The following ARL13B variants were observed in gnomAD, a reference collection of about 807,000 sequenced individuals.
ARL13B encodes the protein ADP-ribosylation factor-like protein 13B.
In ARL13B, 36 loss-of-function variants were observed where a neutral mutation model predicts 56.1. The observed-to-expected ratio is 0.64, with a 90% CI of 0.49 to 0.85. The LOEUF is 0.85. Among genes scored for constraint, ARL13B ranks in the 40% least tolerant of loss-of-function variants. ARL13B has a pLI of 0.00. For missense variants in ARL13B, 519 were observed against 507.1 expected, an observed-to-expected ratio of 1.02 and a Z score of -0.23; for synonymous variants, 178 against 171.1, an observed-to-expected ratio of 1.04 and a Z score of -0.32.
intron 1 of ARL13B, among the ~76,000 whole-genome samples, chr3:93,985,925 C>G (rs1334980433): frequency 1.3e-5 from 2 of 152,160 alleles, no homozygotes; most frequent in African/African-American, 2.4e-5. Flanking sequence ...GTTTTGTCCT[C>G]TTTGCTATGA....
Position 94,043,107 on chromosome 3 carries a change from A to T in ARL13B, c.891A>T (p.Gln297His), listed in dbSNP as rs140215698. 82 of 1,613,708 alleles carry T rather than the reference A, an allele frequency of 5.1e-5. No individual in the cohort carries two copies. In the African/African-American group the frequency reaches 9.5e-4, roughly 19 times the overall value. ...CHLKHKMEHE[Q>H]IETQGQVNHN... The stretch of plus-strand genomic sequence containing the variant: ...TGAAACATAAAATGGAGCATGAGCA[A>T]ATAGAGACACAAGGCCAGGTTAATC... The change falls in exon 7 of 10, where the codon CAA (glutamine) becomes CAT (histidine). Residue 297 changes from glutamine (Q) to histidine (H), a missense_variant. By Grantham distance (24) the Gln-to-His change is conservative. Coordinates refer to ENST00000394222, the MANE Select transcript of ARL13B (RefSeq NM_001174150.2).
At chr3:93,982,797 T>A (rs1710282480) in intron 1 of ARL13B, among the ~76,000 whole-genome samples, 1 of 152,210 alleles carries the variant, frequency 6.6e-6, no homozygotes, top group South Asian at 2.1e-4. Flanking sequence ...AATAAATATT[T>A]GCCAAATATT....
chr3:94,029,679 C>T (rs2076640408), intron 3 of ARL13B, among the ~76,000 whole-genome samples: 2 of 152,038 alleles, frequency 1.3e-5, no homozygotes, highest in Admixed American at 1.3e-4. Flanking sequence ...AACAGTTCTA[C>T]TTCCTGGAAT....
Position 93,980,378 on chromosome 3 carries a change from G to A in ARL13B, c.-46G>A, listed in dbSNP as rs1238125368. 1 of 1,607,170 alleles carries A rather than the reference G, an allele frequency of 6.2e-7. No homozygotes were observed. The highest frequency in any genetic ancestry group is 1.3e-5 in the African/African-American group (1 of 74,908). On this transcript the variant is annotated 5_prime_UTR_variant, in exon 1 of 10. Transcript: ENST00000394222. ...CCCCGGGGAAGAGCGGGGTGCCGGT[G>A]TCCGCTCCGGGCTCGGATGGGAAGT...
chr3:94,026,783 A>G (rs1452918230), intron 3 of ARL13B, among the ~76,000 whole-genome samples: 3 of 152,148 alleles, frequency 2.0e-5, no homozygotes, highest in Non-Finnish European at 4.4e-5. Flanking sequence ...ATCTTTTATT[A>G]TGTTTAACTT....
intron 9 of ARL13B, among the ~76,000 whole-genome samples, chr3:94,051,715 C>T (rs1411706536): frequency 6.6e-6 from 1 of 152,074 alleles, no homozygotes; most frequent in Non-Finnish European, 1.5e-5. Context: ...TAGTCTAGAA[C>T]TTGGTTTCAC....
intron 3 of ARL13B, among the ~76,000 whole-genome samples, chr3:94,032,775 C>T (rs941079610): frequency 2.0e-5 from 3 of 152,074 alleles, no homozygotes; most frequent in Admixed American, 1.3e-4. Context: ...GGATTACAGG[C>T]GTAAGCCACC....
intron 7 of ARL13B, among the ~76,000 whole-genome samples, chr3:94,044,533 G>C (rs918688242): frequency 7.1e-6 from 1 of 140,816 alleles, no homozygotes; most frequent in African/African-American, 2.7e-5. Flanking sequence ...CTGCCTGGCC[G>C]CTCCATCTGG....
chr3:93,990,146 A>G (rs1377112584), intron 1 of ARL13B, among the ~76,000 whole-genome samples: 3 of 152,028 alleles, frequency 2.0e-5, no homozygotes, highest in Non-Finnish European at 2.9e-5. Flanking sequence ...CTGGGATTGC[A>G]GGTGGGCGCC....
chr3:93,987,887 T>C (rs1710546698), intron 1 of ARL13B, among the ~76,000 whole-genome samples: 1 of 151,918 alleles, frequency 6.6e-6, no homozygotes, highest in Non-Finnish European at 1.5e-5. Flanking sequence ...CTCAAGTAAT[T>C]CTCCCACCTT....
chr3:94,050,698 G>C (rs1037280125), intron 8 of ARL13B, 126 bp from the exon 9 acceptor site: 16 of 773,558 alleles, frequency 2.1e-5, no homozygotes, highest in Non-Finnish European at 3.4e-5. Context: ...TTTCCATACT[G>C]TCATTCAATA....
intron 2 of ARL13B, among the ~76,000 whole-genome samples, chr3:93,999,908 A>G (rs1403463209): frequency 6.6e-6 from 1 of 152,222 alleles, no homozygotes. Flanking sequence ...CCATCGTGTT[A>G]GTCCTCAATT....
chr3:94,019,028 A>T (rs187508306), intron 3 of ARL13B, among the ~76,000 whole-genome samples: 77 of 152,232 alleles, frequency 5.1e-4, no homozygotes, highest in African/African-American at 1.8e-3. Flanking sequence ...GGCCTCCCAA[A>T]GTGCTGGGAT....
chr3:94,047,182 T>G (rs2076997127), intron 7 of ARL13B, among the ~76,000 whole-genome samples: 1 of 152,220 alleles, frequency 6.6e-6, no homozygotes, highest in Admixed American at 6.5e-5. Context: ...CTTTGTTATT[T>G]ATAAGAAATT....
rs539587915 is a variant in ARL13B, at chr3:93,981,145, A to C, written c.59+663A>C. On this transcript the variant is annotated intron_variant, in intron 1 of 9. Transcript: ENST00000394222. Reference sequence around the variant, plus strand: ...TAACATTTCATTTTGAAATGCTGGAAGTATTAATAATTAGTACCTGTTACT... The same window carrying C: ...TAACATTTCATTTTGAAATGCTGGACGTATTAATAATTAGTACCTGTTACT... 1.1e-3 allele frequency among the ~76,000 whole-genome samples: 170 copies of C among 152,382 alleles called. 1 individual carries two copies. Among genetic ancestry groups the C allele is most frequent in the African/African-American group, 3.8e-3 (157 of 41,590 alleles).
At chr3:94,014,071 A>G (rs1012122504) in intron 3 of ARL13B, among the ~76,000 whole-genome samples, 3 of 152,202 alleles carry the variant, frequency 2.0e-5, no homozygotes, top group Non-Finnish European at 4.4e-5. Flanking sequence ...TACTTAACAC[A>G]TGAGAGAAAT....
At position 94,049,596 on chromosome 3, in the gene ARL13B, G is replaced by C. The variant is rs569990906; in HGVS notation, c.1141+74G>C. On this transcript the variant is annotated intron_variant, in intron 8 of 9. Transcript: ENST00000394222. ...ACAGAGAAAAAAAAAAAGAAAAAAG[G>C]AATCTTGTCATTTTTATTCTGTATA... The C allele has an allele frequency of 4.0e-5, 41 of 1,028,088 alleles. No homozygotes were observed. The African/African-American group carries it at 5.4e-4, about 14-fold the overall frequency. The allele number at this position is 1,028,088 out of a possible 1,614,324, so 63.7% of individuals were successfully genotyped here.
intron 9 of ARL13B, 122 bp downstream of exon 9, chr3:94,051,014 C>CT: frequency 1.2e-6 from 1 of 812,148 alleles, no homozygotes; most frequent in Non-Finnish European, 2.0e-6. Flanking sequence ...CACAGCTATC[C>CT]TTTTTCATTA....
intron 3 of ARL13B, among the ~76,000 whole-genome samples, chr3:94,021,375 G>T (rs929193384): frequency 6.6e-6 from 1 of 151,628 alleles, no homozygotes; most frequent in African/African-American, 2.4e-5. Flanking sequence ...TTGTATTTCT[G>T]GTAGAGACAA....
Sources: gnomAD v4.1 joint callset for allele counts (sites outside exome capture counted in the v4.1 genomes callset) on GRCh38, gnomAD v4.1.1 for gene constraint, MANE v1.5 for transcripts, NCBI Gene and HGNC (gene_info 2026-07-23, HGNC 2026-07-21) for gene names.